The following DHX29 variants were observed in gnomAD, a reference collection of about 807,000 sequenced individuals.
The protein encoded by DHX29 is DExH-box helicase 29, also known as ATP-dependent RNA helicase DHX29.
DHX29 carries 79 observed loss-of-function variants against 167.9 expected under a neutral mutation model. The ratio of observed to expected loss-of-function variants is 0.47; its 90% CI spans 0.39 to 0.57. The LOEUF is 0.57. DHX29 is among the 20% of genes least tolerant of loss of function. DHX29 has a pLI of 0.00. For synonymous variants in DHX29, 530 were observed against 546.0 expected (o/e 0.97, Z 0.41); for missense variants, 1,347 against 1,593.4 (o/e 0.85, Z 2.63).
intron 1 of DHX29, among the ~76,000 whole-genome samples, chr5:55,306,038 G>A (rs1748841514): frequency 6.6e-6 from 1 of 152,162 alleles, no homozygotes; most frequent in Admixed American, 6.5e-5. Flanking sequence ...AGGAATGTCA[G>A]TAAAAGACAA....
chr5:55,290,374 A>G (rs578118804), intron 6 of DHX29, 30 bp from the exon 7 acceptor site: 253 of 1,494,406 alleles, frequency 1.7e-4, no homozygotes, highest in Non-Finnish European at 2.1e-4. Context: ...GAGGAGGGGG[A>G]AAAAAAAAGA....
At chr5:55,256,834 A>G (rs1746080372) in intron 26 of DHX29, among the ~76,000 whole-genome samples, 1 of 152,236 alleles carries the variant, frequency 6.6e-6, no homozygotes, top group Non-Finnish European at 1.5e-5. Context: ...ACTTCTTTAT[A>G]AGGAATTATA....
chr5:55,286,081 C>T (rs771749481), intron 8 of DHX29, among the ~76,000 whole-genome samples: 10 of 151,968 alleles, frequency 6.6e-5, no homozygotes, highest in African/African-American at 1.9e-4. Context: ...AGTGAAACCT[C>T]GTCTCTACTA....
chr5:55,282,416 T>C (rs1747478069), intron 11 of DHX29, among the ~76,000 whole-genome samples: 1 of 152,212 alleles, frequency 6.6e-6, no homozygotes, highest in African/African-American at 2.4e-5. Flanking sequence ...TGTATATGTC[T>C]GTCATTCTCT....
chr5:55,278,170 TA>T (rs1159069975), intron 12 of DHX29, among the ~76,000 whole-genome samples: 5 of 152,196 alleles, frequency 3.3e-5, no homozygotes, highest in Non-Finnish European at 7.4e-5. Context: ...AGAACTTTAG[TA>T]TCTGTGGACT....
intron 17 of DHX29, among the ~76,000 whole-genome samples, chr5:55,272,648 G>A (rs912928165): frequency 6.6e-6 from 1 of 152,066 alleles, no homozygotes; most frequent in African/African-American, 2.4e-5. Context: ...CAGCAGAATC[G>A]CTTGAACCCA....
chr5:55,256,385 C>T lies in DHX29; in HGVS notation c.*103G>A. The stretch of plus-strand genomic sequence containing the variant: ...CCTTTAAGTTAATGGCTAGTACCAA[C>T]ATTTTAAGTAATGAAATACTTAATG... On this transcript the variant is annotated 3_prime_UTR_variant, in exon 27 of 27. Coordinates refer to ENST00000251636, the MANE Select transcript of DHX29 (RefSeq NM_019030.4). 1 of 1,032,242 alleles carries T rather than the reference C, an allele frequency of 9.7e-7. No homozygotes were observed. The highest frequency in any genetic ancestry group is 1.4e-6 in the Non-Finnish European group (1 of 730,320). 63.9% of individuals were successfully genotyped at this position (1,032,242 alleles called of 1,614,324 possible).
At chr5:55,293,508 GTTTTCA>G (rs1214083345) in intron 6 of DHX29, among the ~76,000 whole-genome samples, 8 of 152,010 alleles carry the variant, frequency 5.3e-5, no homozygotes, top group Non-Finnish European at 8.8e-5. Flanking sequence ...TCTCATTTAA[GTTTTCA>G]TTTTCATTTC....
At chr5:55,305,825 G>A (rs1384328519) in intron 1 of DHX29, among the ~76,000 whole-genome samples, 1 of 152,156 alleles carries the variant, frequency 6.6e-6, no homozygotes, top group Non-Finnish European at 1.5e-5. Flanking sequence ...CCAGCAAAAT[G>A]TATAAATTGC....
At chr5:55,273,403 G>C in intron 16 of DHX29, 26 bp from the exon 17 acceptor site, 1 of 1,522,104 alleles carries the variant, frequency 6.6e-7, no homozygotes, top group Non-Finnish European at 8.9e-7. Flanking sequence ...ATAGTTCTTA[G>C]CAAGAGTTTC....
Position 55,261,368 on chromosome 5 carries a change from C to A in DHX29, c.3960G>T (p.Gln1320His). 1 of 1,558,802 alleles carries A rather than the reference C, an allele frequency of 6.4e-7. No homozygotes were observed. Among genetic ancestry groups the A allele is most frequent in the Admixed American group, 1.8e-5 (1 of 56,336 alleles). The stretch of plus-strand genomic sequence containing the variant: ...CAATAAAATCAGTTGTACTATGTAC[C>A]TGAAAATAGATCCAGCCATCAATAG... Reference protein sequence around the residue: ...LLSIDGWIYFQAPVKIAVIFK... With the variant: ...LLSIDGWIYFHAPVKIAVIFK... Residue 1320 changes from glutamine (Q) to histidine (H), a missense_variant and splice_region_variant, in exon 25 of 27, where the codon CAG (glutamine) becomes CAT (histidine). This residue lies in a region of DHX29 where 882 missense variants were observed against 1,082.4 expected (regional missense o/e 0.81). Coordinates refer to ENST00000251636, the MANE Select transcript of DHX29 (RefSeq NM_019030.4).
intron 23 of DHX29, 143 bp from the exon 24 acceptor site, chr5:55,263,075 A>AG (rs1159060247): frequency 2.8e-5 from 18 of 639,224 alleles, no homozygotes; most frequent in East Asian, 1.1e-4. Flanking sequence ...AAATTACCTT[A>AG]GGGAAAAAAA....
chr5:55,261,503 CA>C lies in DHX29; in HGVS notation c.3829-5del. 6.5e-7 allele frequency: 1 copy of C among 1,538,230 alleles called. No individual in the cohort carries two copies. Among genetic ancestry groups the C allele is most frequent in the Non-Finnish European group, 8.9e-7 (1 of 1,126,514 alleles). On this transcript the variant is annotated splice_polypyrimidine_tract_variant and splice_region_variant and intron_variant, in intron 24 of 26. Coordinates refer to ENST00000251636, the MANE Select transcript of DHX29 (RefSeq NM_019030.4). Reference sequence around the variant, plus strand: ...AATACACTCTGGCATACCTTATCTACATGGGAAAAAGGGGGGAAAATAACTT... The same window carrying C: ...AATACACTCTGGCATACCTTATCTACTGGGAAAAAGGGGGGAAAATAACTT...
At chr5:55,262,109 A>C (rs1746340723) in intron 24 of DHX29, among the ~76,000 whole-genome samples, 1 of 152,206 alleles carries the variant, frequency 6.6e-6, no homozygotes, top group Non-Finnish European at 1.5e-5. Flanking sequence ...TGCCATCTTA[A>C]CCTTTACCAT....
intron 20 of DHX29, among the ~76,000 whole-genome samples, 169 bp from the exon 21 acceptor site, chr5:55,269,806 G>C (rs1291281525): frequency 6.6e-6 from 1 of 151,584 alleles, no homozygotes; most frequent in Non-Finnish European, 1.5e-5. Context: ...AGAGGAGTTG[G>C]GGGGAAGAGT....
At chr5:55,297,662 G>C (rs1302963005) in intron 2 of DHX29, among the ~76,000 whole-genome samples, 1 of 152,118 alleles carries the variant, frequency 6.6e-6, no homozygotes, top group Non-Finnish European at 1.5e-5. Context: ...CATTGTCCTT[G>C]GACCACCCTT....
Position 55,298,617 on chromosome 5 carries a change from C to T in DHX29, c.235G>A (p.Ala79Thr), listed in dbSNP as rs1305008469. The T allele has an allele frequency of 1.3e-6, 2 of 1,557,464 alleles. No individual in the cohort carries two copies. Among genetic ancestry groups the T allele is most frequent in the Admixed American group, 1.7e-5 (1 of 59,568 alleles). ...TTCAAAATAGATTTATCCAGATTTG[C>T]AGGACCACTAGAATCATTTGTAGAA... ...FNSTNDSSGP[A>T]NLDKSILKVV... The change falls in exon 2 of 27, where the codon GCA (alanine) becomes ACA (threonine). Residue 79 changes from alanine to threonine, a missense_variant. By Grantham distance (58) the Ala-to-Thr change is moderately conservative. Coordinates refer to ENST00000251636, the MANE Select transcript of DHX29 (RefSeq NM_019030.4).
intron 6 of DHX29, among the ~76,000 whole-genome samples, chr5:55,293,183 G>T (rs1206397654): frequency 6.6e-6 from 1 of 152,212 alleles, no homozygotes; most frequent in East Asian, 1.9e-4. Context: ...TTTGCTTGTT[G>T]ACAGACATAT....
rs548614228 is a variant in DHX29 at position 55,298,697 on chromosome 5, A to G, written c.188-33T>C. 43 of 1,002,290 alleles carry G rather than the reference A, an allele frequency of 4.3e-5. No homozygotes were observed. In the South Asian group the frequency reaches 5.1e-4, roughly 12 times the overall value. 62.1% of individuals were successfully genotyped at this position (1,002,290 alleles called of 1,614,324 possible). A position where few individuals can be genotyped will look rare whatever the true frequency, so the allele number is the denominator to read the frequency against. ...TACAAATAGACAAGGCAATTTAATG[A>G]TTAATATCTATTACATTATTTTAAT... On this transcript the variant is annotated intron_variant, in intron 1 of 26. Transcript: ENST00000251636.
Sources: gnomAD v4.1 joint callset for allele counts (sites outside exome capture counted in the v4.1 genomes callset) on GRCh38, gnomAD v4.1.1 for gene constraint, gnomAD v4.1.1 regional missense constraint, MANE v1.5 for transcripts, NCBI Gene and HGNC (gene_info 2026-07-23, HGNC 2026-07-21) for gene names.